PTPRO: variants seen among roughly 807,000 people sequenced by gnomAD.
PTPRO encodes the protein protein tyrosine phosphatase receptor type O, also known as receptor-type tyrosine-protein phosphatase O.
In PTPRO, 62 loss-of-function variants were observed where a neutral mutation model predicts 145.2. The ratio of observed to expected loss-of-function variants is 0.43; its 90% CI spans 0.35 to 0.53. The LOEUF is 0.53. Ranked by LOEUF, PTPRO falls within the 20% of genes least tolerant of loss-of-function variation. The pLI, the probability that PTPRO is intolerant of heterozygous loss-of-function variation, is 0.01. For synonymous variants in PTPRO, 565 were observed against 514.7 expected, an observed-to-expected ratio of 1.10 and a Z score of -1.32; for missense variants, 1,345 against 1,482.7, an observed-to-expected ratio of 0.91 and a Z score of 1.53.
chr12:15,469,430 C>T (rs1591839191), intron 1 of PTPRO, among the ~76,000 whole-genome samples: 1 of 152,128 alleles, frequency 6.6e-6, no homozygotes, highest in East Asian at 1.9e-4. Flanking sequence ...TGGAATTTGC[C>T]TGATCACTGA....
At chr12:15,447,194 A>C (rs749187116) in intron 1 of PTPRO, among the ~76,000 whole-genome samples, 6 of 152,150 alleles carry the variant, frequency 3.9e-5, no homozygotes, top group Non-Finnish European at 8.8e-5. Context: ...ATAGAATAAC[A>C]ACAAACGGCT....
chr12:15,550,369 G>A (rs1943423516), intron 14 of PTPRO, among the ~76,000 whole-genome samples: 1 of 152,162 alleles, frequency 6.6e-6, no homozygotes, highest in East Asian at 1.9e-4. Context: ...AGGAGGAGGA[G>A]GAAGAGGAGG....
chr12:15,428,984 C>T (rs903894980), intron 1 of PTPRO, among the ~76,000 whole-genome samples: 10 of 152,176 alleles, frequency 6.6e-5, no homozygotes, highest in African/African-American at 2.2e-4. Flanking sequence ...TATCTAGCTA[C>T]AAGGAAAACT....
chr12:15,549,324 G>A lies in PTPRO; in HGVS notation c.2437+98G>A, dbSNP rs1166359513. 29 of 1,028,302 alleles carry A rather than the reference G, an allele frequency of 2.8e-5. No homozygotes were observed. The East Asian group carries it at 2.8e-4, about 10-fold the overall frequency. 63.7% of individuals were successfully genotyped at this position (1,028,302 alleles called of 1,614,324 possible). A position where few individuals can be genotyped will look rare whatever the true frequency, so the allele number is the denominator to read the frequency against. On this transcript the variant is annotated intron_variant, in intron 14 of 26. Coordinates refer to ENST00000281171, the MANE Select transcript of PTPRO (RefSeq NM_030667.3). ...ATTCCACCAAGAAATCCCAAGCTTC[G>A]GAGTCAGAGAGTCCTTAATTTCAAT...
At chr12:15,575,799 A>T (rs1228095020) in intron 19 of PTPRO, among the ~76,000 whole-genome samples, 3 of 152,160 alleles carry the variant, frequency 2.0e-5, no homozygotes, top group Non-Finnish European at 2.9e-5. Flanking sequence ...CTAGGGAAGA[A>T]TTTTTCTTTG....
chr12:15,592,736 T>A (rs1266791946), intron 25 of PTPRO, among the ~76,000 whole-genome samples: 3 of 152,238 alleles, frequency 2.0e-5, no homozygotes, highest in Non-Finnish European at 4.4e-5. Flanking sequence ...CTTTCACTAA[T>A]TTTTGTAAAG....
chr12:15,401,050 G>C (rs1939479040), intron 1 of PTPRO, among the ~76,000 whole-genome samples: 1 of 152,066 alleles, frequency 6.6e-6, no homozygotes, highest in Admixed American at 6.6e-5. Context: ...CAGGTTGACT[G>C]GGAATGCTTC....
chr12:15,488,228 T>C (rs902892705), intron 2 of PTPRO, among the ~76,000 whole-genome samples: 1 of 152,212 alleles, frequency 6.6e-6, no homozygotes. Context: ...AATTAATTCA[T>C]GATGGTCTAT....
At chr12:15,412,718 A>G (rs1225541372) in intron 1 of PTPRO, among the ~76,000 whole-genome samples, 1 of 152,258 alleles carries the variant, frequency 6.6e-6, no homozygotes, top group Non-Finnish European at 1.5e-5. Flanking sequence ...ACAACATTTT[A>G]TAAAACACAT....
At chr12:15,509,151 C>G (rs1424703269) in intron 7 of PTPRO, among the ~76,000 whole-genome samples, 1 of 152,040 alleles carries the variant, frequency 6.6e-6, no homozygotes, top group Non-Finnish European at 1.5e-5. Flanking sequence ...AAGGCCTCAG[C>G]TTAAAATGAA....
At chr12:15,475,165 A>G (rs951278958) in intron 1 of PTPRO, among the ~76,000 whole-genome samples, 1 of 152,184 alleles carries the variant, frequency 6.6e-6, no homozygotes, top group Non-Finnish European at 1.5e-5. Flanking sequence ...GAGTCTATTT[A>G]CTCTTCTTCT....
chr12:15,332,852 T>C (rs527714202), intron 1 of PTPRO, among the ~76,000 whole-genome samples: 2 of 152,340 alleles, frequency 1.3e-5, no homozygotes, highest in South Asian at 4.1e-4. Context: ...TTGACTTTAG[T>C]AGAGCACTAT....
At chr12:15,533,436 T>C (rs1249656096) in intron 12 of PTPRO, among the ~76,000 whole-genome samples, 1 of 152,202 alleles carries the variant, frequency 6.6e-6, no homozygotes, top group Admixed American at 6.5e-5. Context: ...TCTGTTCTAC[T>C]AATCATGTTA....
intron 15 of PTPRO, among the ~76,000 whole-genome samples, chr12:15,555,543 C>A (rs900654362): frequency 6.6e-6 from 1 of 152,038 alleles, no homozygotes; most frequent in Admixed American, 6.6e-5. Context: ...AATAACATAG[C>A]GTAATACTCA....
chr12:15,352,520 A>G (rs549406652), intron 1 of PTPRO, among the ~76,000 whole-genome samples: 16 of 151,906 alleles, frequency 1.1e-4, no homozygotes, highest in South Asian at 4.2e-4. Flanking sequence ...GTGTGGTGGC[A>G]GGCGCCTGTA....
chr12:15,348,926 T>G (rs73057240), intron 1 of PTPRO, among the ~76,000 whole-genome samples: 34,980 of 152,206 alleles, frequency 0.23, 4,357 homozygotes, highest in Non-Finnish European at 0.29. Flanking sequence ...GTCATTATAT[T>G]TGTATAAATT....
At chr12:15,365,633 C>T (rs1938337238) in intron 1 of PTPRO, among the ~76,000 whole-genome samples, 1 of 152,048 alleles carries the variant, frequency 6.6e-6, no homozygotes, top group South Asian at 2.1e-4. Context: ...TATAGATAAT[C>T]CTCTCTGGAT....
In PTPRO at chr12:15,491,198, A is replaced by C. The variant is rs1941992517; in HGVS notation, c.350-6047A>C. On this transcript the variant is annotated intron_variant, in intron 2 of 26. Coordinates refer to ENST00000281171, the MANE Select transcript of PTPRO (RefSeq NM_030667.3). ...TGCCTGCCATCAGAAGTGAGGGTCTAATCCCAGATCCTCTCCCTCAAGAGA... is the reference window on the plus strand; with the variant it reads ...TGCCTGCCATCAGAAGTGAGGGTCTCATCCCAGATCCTCTCCCTCAAGAGA... Among the ~76,000 whole-genome samples the C allele has an allele frequency of 6.6e-5, 10 of 152,304 alleles. No individual in the cohort carries two copies. The South Asian group carries it at 2.1e-3, about 32-fold the overall frequency.
At chr12:15,573,035 C>A (rs1010626618) in intron 19 of PTPRO, among the ~76,000 whole-genome samples, 1 of 152,120 alleles carries the variant, frequency 6.6e-6, no homozygotes, top group Admixed American at 6.5e-5. Flanking sequence ...CTTTATAACC[C>A]ATGTGTATTA....
Sources: allele counts gnomAD v4.1 joint callset (sites outside exome capture counted in the v4.1 genomes callset), GRCh38; gene constraint gnomAD v4.1.1; transcripts MANE v1.5; gene names NCBI Gene and HGNC (gene_info 2026-07-23, HGNC 2026-07-21).